The following FAXC variants were observed in gnomAD, a reference collection of about 807,000 sequenced individuals.
The protein encoded by FAXC is failed axon connections homolog.
A neutral mutation model predicts 41.9 loss-of-function variants in FAXC; 10 were observed. The ratio of observed to expected loss-of-function variants is 0.24; its 90% CI spans 0.15 to 0.41. The LOEUF is 0.41. Among genes scored for constraint, FAXC ranks in the 10% least tolerant of loss-of-function variants. FAXC has a pLI of 1.00. For missense variants in FAXC, 399 were observed against 510.9 expected (o/e 0.78, Z 2.11); for synonymous variants, 183 against 183.8 (o/e 1.00, Z 0.03).
chr6:99,342,759 C>T, intron 2 of FAXC, 139 bp downstream of exon 2: 1 of 653,480 alleles, frequency 1.5e-6, no homozygotes. Flanking sequence ...TTCCCTCTTA[C>T]TAAGGATTAG....
chr6:99,288,415 T>C (rs1771102350), intron 5 of FAXC, among the ~76,000 whole-genome samples: 1 of 152,058 alleles, frequency 6.6e-6, no homozygotes, highest in South Asian at 2.1e-4. Context: ...AAGGGTGGTA[T>C]GGTAGGAGAA....
At chr6:99,336,831 A>G (rs1051609343) in intron 2 of FAXC, among the ~76,000 whole-genome samples, 2 of 152,154 alleles carry the variant, frequency 1.3e-5, no homozygotes, top group African/African-American at 4.8e-5. Context: ...TTGAGACTCT[A>G]AGAGAGATAC....
chr6:99,301,078 C>A (rs1234865861), intron 4 of FAXC, among the ~76,000 whole-genome samples: 6 of 152,348 alleles, frequency 3.9e-5, no homozygotes, highest in African/African-American at 1.4e-4. Flanking sequence ...TACATAATCA[C>A]CAAAAACTGG....
At chr6:99,338,525 G>C (rs1240824197) in intron 2 of FAXC, among the ~76,000 whole-genome samples, 1 of 152,186 alleles carries the variant, frequency 6.6e-6, no homozygotes, top group Non-Finnish European at 1.5e-5. Context: ...TCAAAGGTGG[G>C]GGAGCACAAA....
chr6:99,315,104 C>T (rs932722981), intron 4 of FAXC, among the ~76,000 whole-genome samples: 1 of 151,530 alleles, frequency 6.6e-6, no homozygotes, highest in African/African-American at 2.4e-5. Flanking sequence ...TGTGGTGCCG[C>T]ACACCTGTAA....
intron 4 of FAXC, among the ~76,000 whole-genome samples, chr6:99,293,580 C>T (rs1771330768): frequency 1.3e-5 from 2 of 151,964 alleles, no homozygotes. Flanking sequence ...ACTGAGGTGA[C>T]TTGAGCAGAG....
At chr6:99,281,576 G>A (rs1770838243) in intron 5 of FAXC, 123 bp from the exon 6 acceptor site, 2 of 800,992 alleles carry the variant, frequency 2.5e-6, no homozygotes, top group Non-Finnish European at 4.0e-6. Context: ...GGTCTAAGGA[G>A]GTGGGGCCTT....
At chr6:99,310,896 G>A (rs1772129839) in intron 4 of FAXC, among the ~76,000 whole-genome samples, 1 of 152,188 alleles carries the variant, frequency 6.6e-6, no homozygotes, top group African/African-American at 2.4e-5. Context: ...AAGGCCTAAT[G>A]TGGAGATGAG....
rs1260281536 is a variant in FAXC, at chr6:99,277,472, AG to A, written c.*3691del. 1 of 152,102 alleles carries A rather than the reference AG, an allele frequency of 6.6e-6. No homozygotes were observed. Among genetic ancestry groups the A allele is most frequent in the Non-Finnish European group, 1.5e-5 (1 of 68,038 alleles). The allele number at this position is 152,102 out of a possible 1,614,324, so 9.4% of individuals were successfully genotyped here. A position where few individuals can be genotyped will look rare whatever the true frequency, so the allele number is the denominator to read the frequency against. On this transcript the variant is annotated 3_prime_UTR_variant, in exon 6 of 6. Transcript: ENST00000389677. ...GTGCTCTGTAAATATTCAGCAAGTG[AG>A]GGAATGGACATGGGTTCTTTAAAAG...
chr6:99,328,250 C>T (rs1317665934), intron 3 of FAXC, among the ~76,000 whole-genome samples: 1 of 152,168 alleles, frequency 6.6e-6, no homozygotes, highest in Non-Finnish European at 1.5e-5. Context: ...ACCTAACCCC[C>T]AGTGTGTTGG....
intron 5 of FAXC, among the ~76,000 whole-genome samples, chr6:99,289,689 A>ATG (rs58098982): frequency 2.7e-3 from 398 of 146,684 alleles, no homozygotes; most frequent in African/African-American, 6.8e-3. Flanking sequence ...ACATATGTAT[A>ATG]TGTGTGTGTG....
chr6:99,273,961 A>G lies in FAXC; in HGVS notation c.*7203T>C, dbSNP rs949167185. 2 of 152,140 alleles carry G rather than the reference A, an allele frequency of 1.3e-5. No homozygotes were observed. The highest frequency in any genetic ancestry group is 4.8e-5 in the African/African-American group (2 of 41,422). 9.4% of individuals were successfully genotyped at this position (152,140 alleles called of 1,614,324 possible). ...TTACTAATAGGGTGAATAAACATAA[A>G]CGTTTGGAGACCACTGCCTAAATAG... On this transcript the variant is annotated 3_prime_UTR_variant, in exon 6 of 6. Coordinates refer to ENST00000389677, the MANE Select transcript of FAXC (RefSeq NM_032511.4).
chr6:99,349,931 C>G (rs561906661), upstream of FAXC: 2 of 152,108 alleles, frequency 1.3e-5, no homozygotes, highest in Non-Finnish European at 2.9e-5. Context: ...GGCCCGGATC[C>G]CGGTCCTCCC....
chr6:99,345,452 A>T (rs1373789900), intron 1 of FAXC, among the ~76,000 whole-genome samples: 1 of 152,234 alleles, frequency 6.6e-6, no homozygotes, highest in Non-Finnish European at 1.5e-5. Flanking sequence ...TTGAACGCAG[A>T]CAGTCTGGCA....
At chr6:99,330,261 C>A (rs1290285165) in intron 3 of FAXC, among the ~76,000 whole-genome samples, 2 of 152,168 alleles carry the variant, frequency 1.3e-5, no homozygotes, top group African/African-American at 4.8e-5. Flanking sequence ...TCACTGACAT[C>A]CACAAGGGGG....
At chr6:99,324,465 C>T in intron 3 of FAXC, among the ~76,000 whole-genome samples, 1 of 152,154 alleles carries the variant, frequency 6.6e-6, no homozygotes. Flanking sequence ...CCAAGAAAAT[C>T]AACTCTTTAC....
intron 2 of FAXC, among the ~76,000 whole-genome samples, chr6:99,342,238 C>T (rs753963050): frequency 3.9e-5 from 6 of 152,268 alleles, no homozygotes; most frequent in South Asian, 2.1e-4. Context: ...GGACAAAATA[C>T]GATGCTGTCA....
chr6:99,322,365 G>A (rs1034051407), intron 4 of FAXC, among the ~76,000 whole-genome samples: 5 of 152,102 alleles, frequency 3.3e-5, no homozygotes, highest in Admixed American at 2.6e-4. Context: ...ACTCTGCAAG[G>A]GACAGGTTAT....
chr6:99,330,181 G>A (rs1489390875), intron 3 of FAXC, among the ~76,000 whole-genome samples: 1 of 151,960 alleles, frequency 6.6e-6, no homozygotes, highest in Non-Finnish European at 1.5e-5. Flanking sequence ...ATTTTTATGG[G>A]TGAAAATATT....
Sources: gnomAD v4.1 joint callset for allele counts (sites outside exome capture counted in the v4.1 genomes callset) on GRCh38, gnomAD v4.1.1 for gene constraint, MANE v1.5 for transcripts, NCBI Gene and HGNC (gene_info 2026-07-23, HGNC 2026-07-21) for gene names.